The following BMP7 variants were observed in gnomAD, a reference collection of about 807,000 sequenced individuals.
BMP7 encodes the protein bone morphogenetic protein 7, also known as osteogenic protein 1.
A neutral mutation model predicts 41.2 loss-of-function variants in BMP7; 12 were observed. The observed-to-expected ratio is 0.29, with a 90% confidence interval of 0.19 to 0.47. The LOEUF (loss-of-function observed/expected upper bound fraction) is 0.47, where lower values mean the gene tolerates loss of function less well. Among genes scored for constraint, BMP7 ranks in the 20% least tolerant of loss-of-function variants. The pLI, the probability that BMP7 is intolerant of heterozygous loss-of-function variation, is 0.99. For missense variants in BMP7, 467 were observed against 606.0 expected (o/e 0.77, Z 2.41); for synonymous variants, 248 against 250.0 (o/e 0.99, Z 0.07).
chr20:57,171,543 T>A lies in BMP7; in HGVS notation c.1147-435A>T, dbSNP rs930534532. ...CAAATGCCTATGAGTGCCACGTGAG[T>A]GCCACTGATAAGCAAAATAGACCGA... On this transcript the variant is annotated intron_variant, in intron 6 of 6. Coordinates refer to ENST00000395863, the MANE Select transcript of BMP7 (RefSeq NM_001719.3). This position sits in a 1 kb window ranked among gnomAD's most constrained non-coding sequence, Gnocchi z 4.5. Among the ~76,000 whole-genome samples the A allele has an allele frequency of 1.3e-5, 2 of 151,972 alleles. No individual in the cohort carries two copies. The highest frequency in any genetic ancestry group is 4.8e-5 in the African/African-American group (2 of 41,354).
At chr20:57,177,671 CA>C (rs1983964078) in intron 4 of BMP7, 1 of 152,164 alleles carries the variant, frequency 6.6e-6, no homozygotes, top group Admixed American at 6.5e-5. Context: ...TTCAGAAAAG[CA>C]ATGTGGAAAG....
At position 57,174,861 on chromosome 20, in the gene BMP7, C is replaced by T. The variant is rs562385001; in HGVS notation, c.1035+70G>A. ...CAGAGATGAGAAACAAGACTGAGCA[C>T]AGACCCGCTGCCTCGTGGGAGCCCA... On this transcript the variant is annotated intron_variant, in intron 5 of 6. Transcript: ENST00000395863. The surrounding 1 kb of genome is among the most constrained non-coding windows in gnomAD (Gnocchi z 4.3). 5.1e-5 allele frequency: 77 copies of T among 1,497,996 alleles called. 1 individual carries two copies. In the South Asian group the frequency reaches 7.3e-4, roughly 14 times the overall value. The allele number at this position is 1,497,996 out of a possible 1,614,324, so 92.8% of individuals were successfully genotyped here. A position where few individuals can be genotyped will look rare whatever the true frequency, so the allele number is the denominator to read the frequency against.
intron 4 of BMP7, chr20:57,177,943 T>G (rs976423462): frequency 1.3e-5 from 2 of 152,228 alleles, no homozygotes; most frequent in Non-Finnish European, 2.9e-5. Flanking sequence ...GAGTCCCAGG[T>G]GTAAGACAGC....
At chr20:57,175,728 C>T (rs1983909534) in intron 4 of BMP7, among the ~76,000 whole-genome samples, 1 of 152,194 alleles carries the variant, frequency 6.6e-6, no homozygotes, top group Non-Finnish European at 1.5e-5. Context: ...TTCCACCCCA[C>T]AACAGAGGGA....
chr20:57,196,702 C>G (rs1284322524), intron 3 of BMP7, among the ~76,000 whole-genome samples: 1 of 152,132 alleles, frequency 6.6e-6, no homozygotes, highest in African/African-American at 2.4e-5. Flanking sequence ...CTTTTAGTGT[C>G]TAAGAAAGTT....
intron 1 of BMP7, among the ~76,000 whole-genome samples, chr20:57,251,011 A>T (rs1277472859): frequency 6.6e-6 from 1 of 152,118 alleles, no homozygotes; most frequent in African/African-American, 2.4e-5. Context: ...CCTGCTCTGG[A>T]CCCCAGCACA....
intron 1 of BMP7, among the ~76,000 whole-genome samples, chr20:57,252,851 G>A (rs1019934648): frequency 6.6e-6 from 1 of 152,160 alleles, no homozygotes; most frequent in South Asian, 2.1e-4. Flanking sequence ...GTTCTCAACT[G>A]GGGGCAACTT....
chr20:57,189,251 A>T (rs1334740313), intron 3 of BMP7, among the ~76,000 whole-genome samples: 1 of 152,206 alleles, frequency 6.6e-6, no homozygotes, highest in Admixed American at 6.5e-5. Flanking sequence ...ATACCTGATG[A>T]CTGCAAACAG....
chr20:57,173,974 C>T (rs1983867234), intron 5 of BMP7, among the ~76,000 whole-genome samples: 1 of 152,188 alleles, frequency 6.6e-6, no homozygotes, highest in African/African-American at 2.4e-5. Context: ...AATCAATATA[C>T]TCCTCAGTGA....
intron 1 of BMP7, among the ~76,000 whole-genome samples, chr20:57,254,629 C>T (rs2066127093): frequency 6.7e-6 from 1 of 150,016 alleles, no homozygotes; most frequent in Non-Finnish European, 1.5e-5. Flanking sequence ...ACATTGTTTC[C>T]AGTCTACATT....
intron 1 of BMP7, among the ~76,000 whole-genome samples, chr20:57,246,093 C>A (rs538351901): frequency 6.6e-6 from 1 of 152,344 alleles, no homozygotes; most frequent in Admixed American, 6.5e-5. Flanking sequence ...GATCTACACA[C>A]TGGTTACCCT....
rs796252935 is a variant in BMP7, at chr20:57,191,918, T to A, written c.761-7999A>T. Among the ~76,000 whole-genome samples the A allele has an allele frequency of 1.6e-3, 213 of 131,678 alleles. No individual in the cohort carries two copies. In the East Asian group the frequency reaches 0.041, roughly 26 times the overall value. The allele number at this position is 131,678 out of a possible 152,430, so 86.4% of individuals were successfully genotyped here. ...TATAGATAGTATACATACTATATAT[T>A]ATATATTTTCTATTATAGTATATTA... On this transcript the variant is annotated intron_variant, in intron 3 of 6. Transcript: ENST00000395863.
At chr20:57,197,375 T>C (rs1310297161) in intron 3 of BMP7, among the ~76,000 whole-genome samples, 1 of 152,140 alleles carries the variant, frequency 6.6e-6, no homozygotes, top group Non-Finnish European at 1.5e-5. Context: ...CCTAACATGT[T>C]AGAGGGTCCT....
At position 57,202,560 on chromosome 20, in the gene BMP7, C is replaced by T. The variant is rs772253049; in HGVS notation, c.675G>A (p.Val225=). 1 of 1,612,234 alleles carries T rather than the reference C, an allele frequency of 6.2e-7. No homozygotes were observed. The highest frequency in any genetic ancestry group is 2.2e-5 in the East Asian group (1 of 44,820). Reference sequence around the variant, plus strand: ...GGTTGCTGGTGGCTGTGATGTCAAACACCAGCCAGCCCTCCTCCGAGGCCC... The same window carrying T: ...GGTTGCTGGTGGCTGTGATGTCAAATACCAGCCAGCCCTCCTCCGAGGCCC... ...TLWASEEGWL[V]FDITATSNHW... Residue 225 remains valine, a synonymous_variant, in exon 3 of 7, where the codon GTG becomes GTA. Transcript: ENST00000395863.
chr20:57,198,167 TCTCCTCTCGCTCTCCTCTCCCC>T (rs1163726583), intron 3 of BMP7, among the ~76,000 whole-genome samples: 1 of 123,500 alleles, frequency 8.1e-6, no homozygotes, highest in African/African-American at 3.2e-5. Flanking sequence ...CTCTCTATCC[TCTCCTCTCGCTCTCCTCTCCCC>T]CTCCTCTCTA....
chr20:57,195,806 GT>G (rs1245641529), intron 3 of BMP7, among the ~76,000 whole-genome samples: 1 of 152,216 alleles, frequency 6.6e-6, no homozygotes, highest in African/African-American at 2.4e-5. Flanking sequence ...GCTCTCGTGT[GT>G]CACAGGAGAG....
intron 3 of BMP7, among the ~76,000 whole-genome samples, chr20:57,191,477 C>T (rs1352432289): frequency 2.0e-5 from 3 of 152,110 alleles, no homozygotes; most frequent in African/African-American, 7.2e-5. Flanking sequence ...GCAGGCAGAT[C>T]ACTTGAGGTC....
intron 3 of BMP7, among the ~76,000 whole-genome samples, chr20:57,197,063 G>A (rs1303194354): frequency 6.6e-6 from 1 of 151,742 alleles, no homozygotes; most frequent in Admixed American, 6.6e-5. Context: ...CACCACACCT[G>A]GCTAACTGTT....
chr20:57,238,030 A>T (rs1446553157), intron 1 of BMP7, among the ~76,000 whole-genome samples: 1 of 152,202 alleles, frequency 6.6e-6, no homozygotes, highest in African/African-American at 2.4e-5. Context: ...AACACACGGG[A>T]TACCATTCTT....
Sources: gnomAD v4.1 joint callset for allele counts (sites outside exome capture counted in the v4.1 genomes callset) on GRCh38, gnomAD v4.1.1 for gene constraint, Gnocchi (gnomAD v3.1) non-coding constraint, MANE v1.5 for transcripts, NCBI Gene and HGNC (gene_info 2026-07-23, HGNC 2026-07-21) for gene names.